The following SMYD3 variants were observed in gnomAD, a reference collection of about 807,000 sequenced individuals.
The protein encoded by SMYD3 is SET and MYND domain containing 3, also known as histone-lysine N-methyltransferase SMYD3.
A neutral mutation model predicts 57.7 loss-of-function variants in SMYD3; 36 were observed. The observed-to-expected ratio is 0.62, with a 90% CI of 0.48 to 0.82. The LOEUF is 0.82. SMYD3 is among the 40% of genes least tolerant of loss of function. The pLI is 0.00. For synonymous variants in SMYD3, 211 were observed against 195.0 expected (o/e 1.08, Z -0.68); for missense variants, 515 against 538.8 (o/e 0.96, Z 0.44).
chr1:246,267,366 A>G (rs530800202), intron 5 of SMYD3, among the ~76,000 whole-genome samples: 3 of 151,896 alleles, frequency 2.0e-5, no homozygotes, highest in South Asian at 2.1e-4. Context: ...TTAAAAGTAG[A>G]AAAAAAATGG....
chr1:245,928,773 C>T (rs779118834), intron 6 of SMYD3, among the ~76,000 whole-genome samples: 4 of 152,144 alleles, frequency 2.6e-5, no homozygotes, highest in Admixed American at 6.5e-5. Flanking sequence ...GAGAAATGGC[C>T]GCCTTTGCTA....
rs1180810169 is a variant in SMYD3 at position 245,828,556 on chromosome 1, CAAAT to C, written c.1076+29936_1076+29939del. 7.2e-5 allele frequency among the ~76,000 whole-genome samples: 11 copies of C among 152,066 alleles called. No homozygotes were observed. In the South Asian group the frequency reaches 2.1e-3, roughly 29 times the overall value. ...AAAGTTTTATTGTATGTTTAATAGACAAATAATAATTGTACAAATTTATAGGGCA... is the reference window on the plus strand; with the variant it reads ...AAAGTTTTATTGTATGTTTAATAGACAATAATTGTACAAATTTATAGGGCA... On this transcript the variant is annotated intron_variant, in intron 10 of 11. Transcript: ENST00000490107.
At chr1:245,818,032 A>G (rs1404665408) in intron 10 of SMYD3, among the ~76,000 whole-genome samples, 1 of 152,126 alleles carries the variant, frequency 6.6e-6, no homozygotes, top group Non-Finnish European at 1.5e-5. Context: ...ATTCAGATTC[A>G]GGAAATACAG....
At chr1:246,228,632 A>G (rs932231120) in intron 5 of SMYD3, among the ~76,000 whole-genome samples, 2 of 152,196 alleles carry the variant, frequency 1.3e-5, no homozygotes, top group Admixed American at 6.5e-5. Flanking sequence ...TAATAGATAC[A>G]TTTTATGGTG....
At chr1:246,064,917 T>A (rs2060315935) in intron 5 of SMYD3, among the ~76,000 whole-genome samples, 1 of 152,220 alleles carries the variant, frequency 6.6e-6, no homozygotes, top group Non-Finnish European at 1.5e-5. Flanking sequence ...CTGCAGAGCC[T>A]ATAATCTGTA....
intron 2 of SMYD3, among the ~76,000 whole-genome samples, chr1:246,336,852 T>C (rs2065551993): frequency 6.6e-6 from 1 of 152,228 alleles, no homozygotes; most frequent in Non-Finnish European, 1.5e-5. Context: ...TGAGTATTTG[T>C]ACGTCACATT....
chr1:245,830,425 G>C (rs1001279912), intron 10 of SMYD3, among the ~76,000 whole-genome samples: 1 of 152,166 alleles, frequency 6.6e-6, no homozygotes, highest in Non-Finnish European at 1.5e-5. Flanking sequence ...AGAACAGTAT[G>C]GGGGAAACTG....
intron 5 of SMYD3, among the ~76,000 whole-genome samples, chr1:246,186,285 G>C (rs1359554343): frequency 6.6e-6 from 1 of 152,154 alleles, no homozygotes; most frequent in African/African-American, 2.4e-5. Flanking sequence ...CCAGCAAGAT[G>C]TAAAATGTGC....
chr1:245,959,600 T>C (rs2057947320), intron 5 of SMYD3, among the ~76,000 whole-genome samples: 1 of 152,172 alleles, frequency 6.6e-6, no homozygotes, highest in African/African-American at 2.4e-5. Context: ...GCTAAGAGAA[T>C]TGCCTTATTT....
At chr1:245,915,447 G>A in intron 8 of SMYD3, 83 bp downstream of exon 8, 1 of 842,938 alleles carries the variant, frequency 1.2e-6, no homozygotes, top group Admixed American at 1.9e-5. Context: ...TTACTTTTGG[G>A]TTTATGAAAT....
intron 5 of SMYD3, among the ~76,000 whole-genome samples, chr1:246,004,784 C>T (rs1241834127): frequency 6.6e-6 from 1 of 152,134 alleles, no homozygotes; most frequent in African/African-American, 2.4e-5. Context: ...AGAAAATGGA[C>T]AGCACTGTTC....
intron 5 of SMYD3, among the ~76,000 whole-genome samples, chr1:246,109,282 A>G (rs7532862): frequency 0.84 from 128,232 of 152,168 alleles, 54,224 homozygotes; most frequent in Admixed American, 0.89. Flanking sequence ...AAGAAATACT[A>G]TAATAGCCTT....
chr1:246,271,823 T>G (rs565718556), intron 5 of SMYD3, among the ~76,000 whole-genome samples: 1 of 152,238 alleles, frequency 6.6e-6, no homozygotes, highest in South Asian at 2.1e-4. Context: ...TTTCCTTTTC[T>G]GCAAAAAAAC....
chr1:246,061,729 A>C (rs2060255889), intron 5 of SMYD3, among the ~76,000 whole-genome samples: 1 of 152,232 alleles, frequency 6.6e-6, no homozygotes, highest in Non-Finnish European at 1.5e-5. Flanking sequence ...TGTCTCAAAA[A>C]TAAAATAATT....
intron 1 of SMYD3, among the ~76,000 whole-genome samples, chr1:246,361,799 C>T (rs745358937): frequency 5.9e-5 from 9 of 152,024 alleles, no homozygotes; most frequent in Non-Finnish European, 8.8e-5. Context: ...TCAGGAGAAA[C>T]GTTGGGAAGG....
Position 246,077,910 on chromosome 1 carries a change from T to A in SMYD3, c.532-147973A>T, listed in dbSNP as rs1287875171. Among the ~76,000 whole-genome samples, 7 of 152,224 alleles carry A rather than the reference T, an allele frequency of 4.6e-5. 1 individual carries two copies. In the East Asian group the frequency reaches 9.7e-4, roughly 21 times the overall value. ...AAAAAGAAAACAATCGTTTGTCAAA[T>A]AAAAACAAAATCTGTCTTCCTTTCT... is the stretch of plus-strand genomic sequence containing the variant. On this transcript the variant is annotated intron_variant, in intron 5 of 11. Coordinates refer to ENST00000490107, the MANE Select transcript of SMYD3 (RefSeq NM_001167740.2).
chr1:246,074,458 T>C (rs1439933215), intron 5 of SMYD3, among the ~76,000 whole-genome samples: 1 of 151,068 alleles, frequency 6.6e-6, no homozygotes, highest in South Asian at 2.1e-4. Flanking sequence ...ATATATAACA[T>C]ACCAAATATA....
chr1:246,056,489 G>A (rs1397062176), intron 5 of SMYD3, among the ~76,000 whole-genome samples: 2 of 152,048 alleles, frequency 1.3e-5, no homozygotes, highest in African/African-American at 4.8e-5. Flanking sequence ...ACGAGATTAA[G>A]TGGCAAAGCT....
At chr1:246,002,971 G>A (rs1349429728) in intron 5 of SMYD3, among the ~76,000 whole-genome samples, 1 of 152,118 alleles carries the variant, frequency 6.6e-6, no homozygotes, top group African/African-American at 2.4e-5. Context: ...TGGCTCACAC[G>A]GAAACATCTC....
Sources: allele counts gnomAD v4.1 joint callset (sites outside exome capture counted in the v4.1 genomes callset), GRCh38; gene constraint gnomAD v4.1.1; transcripts MANE v1.5; gene names NCBI Gene and HGNC (gene_info 2026-07-23, HGNC 2026-07-21).